Variants in SYN2 observed in about 807,000 individuals in gnomAD.
SYN2 encodes the protein synapsin-2.
SYN2 carries 19 observed loss-of-function variants against 50.9 expected under a neutral mutation model. That is an observed-to-expected ratio of 0.37 (90% CI 0.26 to 0.55). The LOEUF (loss-of-function observed/expected upper bound fraction) is 0.55. SYN2 is among the 20% of genes least tolerant of loss of function. SYN2 has a pLI of 0.81. For synonymous variants in SYN2, 255 were observed against 224.9 expected (o/e 1.13, Z -1.20); for missense variants, 587 against 576.4 (o/e 1.02, Z -0.19).
At chr3:12,190,440 C>G in intron 12 of SYN2, 50 bp from the exon 13 acceptor site, 1 of 1,601,780 alleles carries the variant, frequency 6.2e-7, no homozygotes, top group East Asian at 2.2e-5. Flanking sequence ...CCTTCCCTGC[C>G]TTGCTGGGAA....
intron 1 of SYN2, among the ~76,000 whole-genome samples, chr3:12,019,009 TCTTA>T (rs1485961231): frequency 2.6e-5 from 4 of 152,190 alleles, no homozygotes; most frequent in Non-Finnish European, 4.4e-5. Flanking sequence ...AATTTTGTTT[TCTTA>T]CTTTTTGGTG....
intron 7 of SYN2, among the ~76,000 whole-genome samples, chr3:12,164,899 T>C (rs1028227110): frequency 7.2e-5 from 11 of 152,170 alleles, no homozygotes; most frequent in African/African-American, 2.4e-4. Flanking sequence ...ATCTTAAATA[T>C]TGAAAAAGTC....
chr3:12,191,063 A>G lies in SYN2; in HGVS notation c.*438A>G, dbSNP rs1048588523. 1.6e-5 allele frequency: 16 copies of G among 987,354 alleles called. No homozygotes were observed. Among genetic ancestry groups the G allele is most frequent in the Non-Finnish European group, 1.6e-5 (13 of 831,440 alleles). 61.2% of individuals were successfully genotyped at this position (987,354 alleles called of 1,614,324 possible). ...TGTTTGGGAAGTATATACTTCCCCAAAAGTACTCTTGGCCCTAAGTTTTAG... is the reference window on the plus strand; with the variant it reads ...TGTTTGGGAAGTATATACTTCCCCAGAAGTACTCTTGGCCCTAAGTTTTAG... On this transcript the variant is annotated 3_prime_UTR_variant, in exon 13 of 13. Coordinates refer to ENST00000621198, the MANE Select transcript of SYN2 (RefSeq NM_133625.6).
At chr3:12,063,184 A>G (rs1252643642) in intron 1 of SYN2, among the ~76,000 whole-genome samples, 1 of 152,046 alleles carries the variant, frequency 6.6e-6, no homozygotes, top group Admixed American at 6.6e-5. Flanking sequence ...TGCAAAATCT[A>G]TGGAATTCAA....
chr3:12,038,838 A>G (rs920060849), intron 1 of SYN2, among the ~76,000 whole-genome samples: 5 of 152,114 alleles, frequency 3.3e-5, no homozygotes, highest in Non-Finnish European at 5.9e-5. Context: ...AGAATTTTCT[A>G]TGTATAAGAT....
At chr3:12,181,148 T>C (rs1055107755) in intron 10 of SYN2, among the ~76,000 whole-genome samples, 1 of 152,246 alleles carries the variant, frequency 6.6e-6, no homozygotes, top group African/African-American at 2.4e-5. Context: ...AGAGCTTTTG[T>C]GCCCACTGGC....
intron 1 of SYN2, among the ~76,000 whole-genome samples, chr3:12,033,800 G>T (rs749814137): frequency 3.3e-5 from 5 of 152,082 alleles, no homozygotes; most frequent in African/African-American, 4.8e-5. Flanking sequence ...TTTCATCTTA[G>T]CATAATGTTT....
chr3:12,171,810 T>C (rs973239343), intron 10 of SYN2, among the ~76,000 whole-genome samples: 4 of 152,224 alleles, frequency 2.6e-5, no homozygotes, highest in African/African-American at 9.6e-5. Flanking sequence ...AAAAATGGTA[T>C]CTAAAGTATA....
At position 12,057,869 on chromosome 3, in the gene SYN2, A is replaced by G. The variant is rs1695028734; in HGVS notation, c.377+52941A>G. Among the ~76,000 whole-genome samples the G allele has an allele frequency of 1.3e-5, 2 of 152,226 alleles. 1 individual carries two copies. Among genetic ancestry groups the G allele is most frequent in the South Asian group, 4.1e-4 (2 of 4,836 alleles). On this transcript the variant is annotated intron_variant, in intron 1 of 12. Coordinates refer to ENST00000621198, the MANE Select transcript of SYN2 (RefSeq NM_133625.6). Reference sequence around the variant, plus strand: ...TTTAGAAGAACATTAAAACTGAAACATATAAACATACTCGAAACATAGTCT... The same window carrying G: ...TTTAGAAGAACATTAAAACTGAAACGTATAAACATACTCGAAACATAGTCT...
At chr3:12,155,641 A>G (rs1457559025) in intron 5 of SYN2, among the ~76,000 whole-genome samples, 1 of 152,210 alleles carries the variant, frequency 6.6e-6, no homozygotes, top group African/African-American at 2.4e-5. Flanking sequence ...ACACCAGGCA[A>G]AGGAGCTTGT....
chr3:12,069,765 C>T (rs1172344768), intron 1 of SYN2, among the ~76,000 whole-genome samples: 1 of 151,458 alleles, frequency 6.6e-6, no homozygotes, highest in African/African-American at 2.4e-5. Flanking sequence ...ATTTATCCTA[C>T]TGGGTGTGAT....
intron 10 of SYN2, among the ~76,000 whole-genome samples, chr3:12,170,268 T>TA (rs1454995321): frequency 2.0e-5 from 3 of 152,224 alleles, no homozygotes; most frequent in Non-Finnish European, 4.4e-5. Context: ...TCACATCACT[T>TA]ACTGTCTATT....
intron 7 of SYN2, among the ~76,000 whole-genome samples, chr3:12,165,863 G>A (rs1158250260): frequency 6.6e-6 from 1 of 152,172 alleles, no homozygotes; most frequent in East Asian, 1.9e-4. Context: ...GAATTAGGTA[G>A]TGGAGTGTAG....
chr3:12,159,168 G>A (rs1379117608), intron 5 of SYN2: 22 of 334,058 alleles, frequency 6.6e-5, no homozygotes, highest in Admixed American at 2.3e-4. Flanking sequence ...GCAGAAAGAC[G>A]GAAAGAGCCA....
At chr3:12,009,398 T>C (rs1020781805) in intron 1 of SYN2, among the ~76,000 whole-genome samples, 5 of 152,198 alleles carry the variant, frequency 3.3e-5, no homozygotes, top group Non-Finnish European at 5.9e-5. Context: ...CTTTAACTTT[T>C]ATATTTTTCC....
At chr3:12,092,234 C>G (rs958458091) in intron 1 of SYN2, among the ~76,000 whole-genome samples, 2 of 152,124 alleles carry the variant, frequency 1.3e-5, no homozygotes, top group African/African-American at 4.8e-5. Flanking sequence ...TTAAATGGAG[C>G]ACCAAACGTT....
At chr3:12,013,548 G>A (rs1693961001) in intron 1 of SYN2, among the ~76,000 whole-genome samples, 1 of 152,032 alleles carries the variant, frequency 6.6e-6, no homozygotes, top group Non-Finnish European at 1.5e-5. Flanking sequence ...GGGTGGTTAA[G>A]AGTCGTTTGA....
intron 1 of SYN2, among the ~76,000 whole-genome samples, chr3:12,060,108 A>T (rs1695082030): frequency 6.6e-6 from 1 of 152,194 alleles, no homozygotes; most frequent in Non-Finnish European, 1.5e-5. Context: ...CTGGAGTCTT[A>T]AACTGGTAGG....
At chr3:12,140,531 A>G in intron 1 of SYN2, 120 bp from the exon 2 acceptor site, 3 of 705,608 alleles carry the variant, frequency 4.3e-6, no homozygotes, top group South Asian at 3.0e-5. Flanking sequence ...ATCAGAACCC[A>G]GGTCTCTTGA....
Sources: gnomAD v4.1 joint callset for allele counts (sites outside exome capture counted in the v4.1 genomes callset) on GRCh38, gnomAD v4.1.1 for gene constraint, MANE v1.5 for transcripts, NCBI Gene and HGNC (gene_info 2026-07-23, HGNC 2026-07-21) for gene names.